The following CAPN9 variants were observed in gnomAD, a reference collection of about 807,000 sequenced individuals.
CAPN9 encodes calpain 9, also known as calpain-9.
In CAPN9, 81 loss-of-function variants were observed where a neutral mutation model predicts 92.8. The ratio of observed to expected loss-of-function variants is 0.87; its 90% confidence interval spans 0.73 to 1.05. The LOEUF is 1.05. Ranked by LOEUF, CAPN9 falls within the 50% of genes least tolerant of loss-of-function variation. The probability of loss-of-function intolerance (pLI) is 0.00; values close to 1 mark genes in which losing one functional copy is unlikely to be tolerated. For missense variants in CAPN9, 848 were observed against 866.2 expected (o/e 0.98, Z 0.26); for synonymous variants, 304 against 328.0 (o/e 0.93, Z 0.79).
At chr1:230,749,281 G>T (rs933171851) in intron 1 of CAPN9, among the ~76,000 whole-genome samples, 1 of 152,194 alleles carries the variant, frequency 6.6e-6, no homozygotes, top group African/African-American at 2.4e-5. Flanking sequence ...GATCACGTGG[G>T]GTTGCACTTT....
chr1:230,780,668 T>A lies in CAPN9; in HGVS notation c.1441T>A (p.Phe481Ile), dbSNP rs749998999. 1.9e-6 allele frequency: 3 copies of A among 1,614,126 alleles called. No homozygotes were observed. The highest frequency in any genetic ancestry group is 2.5e-6 in the Non-Finnish European group (3 of 1,180,006). The change falls in exon 11 of 20, where the codon TTC (phenylalanine) becomes ATC (isoleucine). Residue 481 changes from phenylalanine to isoleucine, a missense_variant. Coordinates refer to ENST00000271971, the MANE Select transcript of CAPN9 (RefSeq NM_006615.3). ...TTTTGAGCCCCACCAGGAAGCTGAT[T>A]TCTGTCTGAGAATCTTTTCAGAGAA... ...STFEPHQEAD[F>I]CLRIFSEKKA...
At chr1:230,759,997 T>C (rs1405529828) in intron 3 of CAPN9, among the ~76,000 whole-genome samples, 1 of 152,224 alleles carries the variant, frequency 6.6e-6, no homozygotes, top group East Asian at 1.9e-4. Context: ...ACAGAGAGGT[T>C]CTCTTTATGG....
chr1:230,763,359 T>A (rs552778732), intron 4 of CAPN9, among the ~76,000 whole-genome samples: 1 of 152,186 alleles, frequency 6.6e-6, no homozygotes, highest in Non-Finnish European at 1.5e-5. Context: ...CTTTTTCATC[T>A]TGCAAAACTG....
In CAPN9 at chr1:230,791,902, T is replaced by G. The variant is rs754262842; in HGVS notation, c.1696T>G (p.Cys566Gly). Residue 566 changes from cysteine (C) to glycine (G), a missense_variant, in exon 15 of 20, where the codon TGT becomes GGT. By Grantham distance (159) the Cys-to-Gly change is radical. Coordinates refer to ENST00000271971, the MANE Select transcript of CAPN9 (RefSeq NM_006615.3). The stretch of plus-strand genomic sequence containing the variant: ...ATTCAAGAAGCTAAGCCTGATCTCC[T>G]GTAAAAACATCATTTCCCTGATGGA... The part of the protein sequence containing the change: ...IKFKKLSLIS[C>G]KNIISLMDTS... 1.3e-5 allele frequency: 21 copies of G among 1,613,472 alleles called. No individual in the cohort carries two copies. Among genetic ancestry groups the G allele is most frequent in the South Asian group, 3.3e-5 (3 of 91,042 alleles).
intron 5 of CAPN9, among the ~76,000 whole-genome samples, chr1:230,768,599 G>T (rs1159700076): frequency 2.7e-5 from 4 of 148,142 alleles, no homozygotes; most frequent in African/African-American, 7.5e-5. Flanking sequence ...GAAGTCTAAT[G>T]ATATTTTTTA....
At chr1:230,787,695 G>A (rs971306007) in intron 13 of CAPN9, 93 bp downstream of exon 13, 218 of 1,024,930 alleles carry the variant, frequency 2.1e-4, no homozygotes, top group Non-Finnish European at 2.2e-4. Context: ...GGTCAGCAAC[G>A]TCATCCTGAG....
chr1:230,777,159 G>A (rs1666852983), intron 8 of CAPN9, among the ~76,000 whole-genome samples: 1 of 152,206 alleles, frequency 6.6e-6, no homozygotes, highest in Non-Finnish European at 1.5e-5. Context: ...CAGAGTTTGA[G>A]AGGCTACCTG....
At chr1:230,800,250 G>GAA (rs1295188068) in intron 19 of CAPN9, among the ~76,000 whole-genome samples, 26 of 102,808 alleles carry the variant, frequency 2.5e-4, no homozygotes, top group Middle Eastern at 4.9e-3. Context: ...AAGAAAGAAA[G>GAA]AAAGAAAGAA....
intron 13 of CAPN9, among the ~76,000 whole-genome samples, chr1:230,789,407 A>G (rs1667823080): frequency 7.0e-6 from 1 of 142,774 alleles, no homozygotes; most frequent in Non-Finnish European, 1.5e-5. Flanking sequence ...TGGGAAATTG[A>G]GGCTGCAGTC....
chr1:230,801,258 C>A (rs1250112233), intron 19 of CAPN9, among the ~76,000 whole-genome samples: 3 of 152,088 alleles, frequency 2.0e-5, no homozygotes, highest in Non-Finnish European at 4.4e-5. Flanking sequence ...TTAATACTGC[C>A]CTGCCCAAGA....
intron 7 of CAPN9, among the ~76,000 whole-genome samples, chr1:230,772,321 A>G (rs1666435873): frequency 6.6e-6 from 1 of 152,238 alleles, no homozygotes; most frequent in Non-Finnish European, 1.5e-5. Context: ...ACAGCACTCT[A>G]ACTTTCACGA....
intron 5 of CAPN9, among the ~76,000 whole-genome samples, chr1:230,767,981 T>A (rs1666099091): frequency 6.7e-6 from 1 of 149,486 alleles, no homozygotes; most frequent in Non-Finnish European, 1.5e-5. Flanking sequence ...ACCTGCACGT[T>A]GTGCACATGT....
At position 230,792,641 on chromosome 1, in the gene CAPN9, C is replaced by CCGATGCTTA. The variant is rs1668078682; in HGVS notation, c.1791+150_1791+158dup. 5.2e-5 allele frequency: 40 copies of CCGATGCTTA among 775,826 alleles called. No individual in the cohort carries two copies. The South Asian group carries it at 6.3e-4, about 12-fold the overall frequency. 48.1% of individuals were successfully genotyped at this position (775,826 alleles called of 1,614,324 possible). A position where few individuals can be genotyped will look rare whatever the true frequency, so the allele number is the denominator to read the frequency against. Reference sequence around the variant, plus strand: ...GAAGGGAAAACAGCATCATGCTATTCCGATGCTTACGGGAGTACCACCGTG... The same window carrying CCGATGCTTA: ...GAAGGGAAAACAGCATCATGCTATTCCGATGCTTACGATGCTTACGGGAGTACCACCGTG... On this transcript the variant is annotated intron_variant, in intron 16 of 19. Coordinates refer to ENST00000271971, the MANE Select transcript of CAPN9 (RefSeq NM_006615.3).
At position 230,798,238 on chromosome 1, in the gene CAPN9, C is replaced by A; in HGVS notation, c.2046+18C>A. 3 of 1,590,390 alleles carry A rather than the reference C, an allele frequency of 1.9e-6. No homozygotes were observed. The highest frequency in any genetic ancestry group is 1.3e-5 in the African/African-American group (1 of 74,544). ...TAAATGAGGTATGGCCAATCCAGAC[C>A]CTCTGCTCAGGGACCCAGCTGGGGC... On this transcript the variant is annotated intron_variant, in intron 19 of 19. Transcript: ENST00000271971.
intron 15 of CAPN9, 40 bp downstream of exon 15, chr1:230,791,968 C>A (rs1350111225): frequency 6.9e-7 from 1 of 1,456,830 alleles, no homozygotes; most frequent in Admixed American, 1.7e-5. Context: ...GACATGGATC[C>A]TGGGCTTTAA....
intron 13 of CAPN9, among the ~76,000 whole-genome samples, chr1:230,789,489 A>G (rs1327857017): frequency 7.2e-6 from 1 of 139,390 alleles, no homozygotes; most frequent in African/African-American, 2.8e-5. Flanking sequence ...AAAAAAAAAA[A>G]AAAAAAAAAA....
At chr1:230,797,007 T>C (rs1668399699) in intron 18 of CAPN9, among the ~76,000 whole-genome samples, 1 of 152,192 alleles carries the variant, frequency 6.6e-6, no homozygotes, top group Non-Finnish European at 1.5e-5. Context: ...TCCAGTTAGA[T>C]ATAAAGAATC....
At chr1:230,790,807 C>T (rs1667930808) in intron 14 of CAPN9, among the ~76,000 whole-genome samples, 1 of 152,146 alleles carries the variant, frequency 6.6e-6, no homozygotes, top group Non-Finnish European at 1.5e-5. Flanking sequence ...CACAATCAGC[C>T]AGGTGTGGTT....
At chr1:230,756,041 T>G (rs1665205981) in intron 2 of CAPN9, among the ~76,000 whole-genome samples, 1 of 151,902 alleles carries the variant, frequency 6.6e-6, no homozygotes, top group Non-Finnish European at 1.5e-5. Context: ...TGGGTTTACC[T>G]TTGTTCTATC....
Sources: gnomAD v4.1 joint callset for allele counts (sites outside exome capture counted in the v4.1 genomes callset) on GRCh38, gnomAD v4.1.1 for gene constraint, MANE v1.5 for transcripts, NCBI Gene and HGNC (gene_info 2026-07-23, HGNC 2026-07-21) for gene names.